Variants in DDX17 observed in about 807,000 individuals in gnomAD.
The protein encoded by DDX17 is DEAD-box helicase 17, also known as probable ATP-dependent RNA helicase DDX17.
Under a neutral mutation model 80.8 loss-of-function variants are expected in DDX17, and 10 were observed. The observed-to-expected ratio is 0.12, with a 90% CI of 0.08 to 0.21. The LOEUF is 0.21. Among genes scored for constraint, DDX17 ranks in the 10% least tolerant of loss-of-function variants. The pLI, the probability that DDX17 is intolerant of heterozygous loss-of-function variation, is 1.00. For synonymous variants in DDX17, 339 were observed against 336.2 expected (o/e 1.01, Z -0.09); for missense variants, 586 against 957.4 (o/e 0.61, Z 5.12).
intron 12 of DDX17, among the ~76,000 whole-genome samples, chr22:38,487,275 A>G (rs1261417685): frequency 6.6e-6 from 1 of 151,910 alleles, no homozygotes; most frequent in Non-Finnish European, 1.5e-5. Context: ...CAGGTGGATC[A>G]CCAGAGGTCA....
intron 1 of DDX17, chr22:38,505,662 G>A (rs1264508543): frequency 7.5e-6 from 3 of 400,986 alleles, no homozygotes; most frequent in Non-Finnish European, 8.8e-6. Context: ...CTGGGCTGAT[G>A]CGGCCAGGCC....
intron 1 of DDX17, among the ~76,000 whole-genome samples, chr22:38,503,029 G>A (rs1266018281): frequency 6.6e-6 from 1 of 152,090 alleles, no homozygotes; most frequent in Non-Finnish European, 1.5e-5. Context: ...TGGGATCACT[G>A]GATACCTACA....
intron 5 of DDX17, among the ~76,000 whole-genome samples, chr22:38,496,863 G>A (rs999099079): frequency 6.6e-6 from 1 of 152,092 alleles, no homozygotes; most frequent in African/African-American, 2.4e-5. Flanking sequence ...TTTATATACT[G>A]ATCCATTAGA....
chr22:38,487,857 A>G (rs746294658), intron 12 of DDX17, 22 bp downstream of exon 12: 1 of 1,613,374 alleles, frequency 6.2e-7, no homozygotes, highest in Non-Finnish European at 8.5e-7. Context: ...AGTACCTGGA[A>G]AACTCCAGGA....
Position 38,486,208 on chromosome 22 carries a change from G to C in DDX17, c.1917C>G (p.Thr639=). 6.2e-7 allele frequency: 1 copy of C among 1,613,982 alleles called. No homozygotes were observed. The highest frequency in any genetic ancestry group is 1.1e-5 in the South Asian group (1 of 91,080). ...TGGTGCCATAAGCAGCTGCCCCATAGGTGCCTTGACCATAGGTGTATTGGC... is the reference window on the plus strand; with the variant it reads ...TGGTGCCATAAGCAGCTGCCCCATACGTGCCTTGACCATAGGTGTATTGGC... Residue 639 remains threonine, a synonymous_variant, in exon 13 of 13, where the codon ACC becomes ACG. Transcript: ENST00000403230.
intron 5 of DDX17, 44 bp downstream of exon 5, chr22:38,498,041 T>C (rs1223134510): frequency 7.0e-6 from 11 of 1,576,798 alleles, no homozygotes; most frequent in African/African-American, 5.4e-5. Context: ...AGTCGCTAAA[T>C]TGTAGTTTTT....
chr22:38,497,863 GTTTC>G (rs1305929489), intron 5 of DDX17, among the ~76,000 whole-genome samples: 1 of 152,138 alleles, frequency 6.6e-6, no homozygotes, highest in African/African-American at 2.4e-5. Flanking sequence ...AGCATGCATG[GTTTC>G]TTTAAGAGTA....
At chr22:38,502,119 G>A (rs568867666) in intron 1 of DDX17, among the ~76,000 whole-genome samples, 1 of 152,216 alleles carries the variant, frequency 6.6e-6, no homozygotes, top group African/African-American at 2.4e-5. Flanking sequence ...GCTAATAAAA[G>A]AGCTGAGCCT....
chr22:38,497,297 CA>C (rs138448), intron 5 of DDX17, among the ~76,000 whole-genome samples: 6,848 of 35,220 alleles, frequency 0.19, 125 homozygotes, highest in African/African-American at 0.26. Context: ...AACTCCATCT[CA>C]AAAAAAAAAA....
At chr22:38,488,612 A>C in intron 11 of DDX17, 1 of 988,630 alleles carries the variant, frequency 1.0e-6, no homozygotes, top group Non-Finnish European at 1.2e-6. Flanking sequence ...TAAAAAAAGG[A>C]GCTTCATATA....
intron 10 of DDX17, among the ~76,000 whole-genome samples, chr22:38,493,141 C>G (rs567104869): frequency 1.3e-3 from 201 of 152,314 alleles, no homozygotes; most frequent in Non-Finnish European, 2.6e-3. Flanking sequence ...TGGGCCAAAT[C>G]TGGCACAACG....
chr22:38,493,070 C>T (rs757182241), intron 10 of DDX17, among the ~76,000 whole-genome samples: 5 of 152,170 alleles, frequency 3.3e-5, no homozygotes, highest in Non-Finnish European at 7.4e-5. Flanking sequence ...CATGAGCACA[C>T]GCTAAAAGTA....
At chr22:38,488,342 G>A (rs2089682328) in intron 11 of DDX17, 2 of 1,408,522 alleles carry the variant, frequency 1.4e-6, no homozygotes, top group Non-Finnish European at 1.8e-6. Context: ...TTTATTGGCT[G>A]TAGAATCCTA....
In DDX17 at chr22:38,483,487, ATGG is replaced by A. The variant is rs1467022262; in HGVS notation, c.*2445_*2447del. The A allele has an allele frequency of 6.6e-6, 1 of 152,644 alleles. No homozygotes were observed. Among genetic ancestry groups the A allele is most frequent in the Non-Finnish European group, 1.5e-5 (1 of 68,038 alleles). 9.5% of individuals were successfully genotyped at this position (152,644 alleles called of 1,614,324 possible). A position where few individuals can be genotyped will look rare whatever the true frequency, so the allele number is the denominator to read the frequency against. On this transcript the variant is annotated 3_prime_UTR_variant, in exon 13 of 13. Coordinates refer to ENST00000403230, the MANE Select transcript of DDX17 (RefSeq NM_006386.5). ...ATACCTACAAAAAGAAAACAAGATG[ATGG>A]TATCAAAAGGACAATTTACAAACTA...
intron 1 of DDX17, among the ~76,000 whole-genome samples, chr22:38,502,227 A>G (rs905747334): frequency 1.3e-5 from 2 of 152,200 alleles, no homozygotes; most frequent in African/African-American, 4.8e-5. Context: ...CCTGGCCAAT[A>G]TAGTGAAACC....
Position 38,506,112 on chromosome 22 carries a change from G to A in DDX17, c.126C>T (p.Ala42=). Residue 42 remains alanine (A), a synonymous_variant, in exon 1 of 13, where the codon GCC becomes GCT. Coordinates refer to ENST00000403230, the MANE Select transcript of DDX17 (RefSeq NM_006386.5). ...GCGGCGGCGCCTCCGCTGTTGGGGC[G>A]GCGGCAGGCGCAGCGCTCTCTCGCT... 6.3e-7 allele frequency: 1 copy of A among 1,576,202 alleles called. No homozygotes were observed. The highest frequency in any genetic ancestry group is 8.6e-7 in the Non-Finnish European group (1 of 1,161,838).
chr22:38,490,249 G>C (rs1334397501), intron 11 of DDX17: 23 of 1,243,048 alleles, frequency 1.9e-5, no homozygotes, highest in Non-Finnish European at 2.3e-5. Flanking sequence ...GAAATCCAAA[G>C]TTAATGTTTT....
At chr22:38,498,892 G>A (rs1393750437) in intron 3 of DDX17, among the ~76,000 whole-genome samples, 1 of 152,160 alleles carries the variant, frequency 6.6e-6, no homozygotes, top group Non-Finnish European at 1.5e-5. Flanking sequence ...GTGGGCCCTT[G>A]TAATTCCAGC....
Position 38,483,812 on chromosome 22 carries a change from A to T in DDX17, c.*2123T>A, listed in dbSNP as rs1269090680. 2 of 152,262 alleles carry T rather than the reference A, an allele frequency of 1.3e-5. No homozygotes were observed. Among genetic ancestry groups the T allele is most frequent in the Admixed American group, 6.5e-5 (1 of 15,280 alleles). 9.4% of individuals were successfully genotyped at this position (152,262 alleles called of 1,614,324 possible). ...ATTCTTCTGCTCATGTTCTGAAGCCAACAGCAGAACCTGAATTATAAGTGA... is the reference window on the plus strand; with the variant it reads ...ATTCTTCTGCTCATGTTCTGAAGCCTACAGCAGAACCTGAATTATAAGTGA... On this transcript the variant is annotated 3_prime_UTR_variant, in exon 13 of 13. Transcript: ENST00000403230.
Sources: allele counts gnomAD v4.1 joint callset (sites outside exome capture counted in the v4.1 genomes callset), GRCh38; gene constraint gnomAD v4.1.1; transcripts MANE v1.5; gene names NCBI Gene and HGNC (gene_info 2026-07-23, HGNC 2026-07-21).